The following KANSL3 variants were observed in gnomAD, a reference collection of about 807,000 sequenced individuals.
KANSL3 encodes the protein KAT8 regulatory NSL complex subunit 3.
Under a neutral mutation model 89.2 loss-of-function variants are expected in KANSL3, and 16 were observed. The ratio of observed to expected loss-of-function variants is 0.18; its 90% CI spans 0.12 to 0.27. The LOEUF (loss-of-function observed/expected upper bound fraction) is 0.27. KANSL3 is among the 10% of genes least tolerant of loss of function. The probability of loss-of-function intolerance (pLI) is 1.00; values close to 1 mark genes in which losing one functional copy is unlikely to be tolerated. For synonymous variants in KANSL3, 385 were observed against 419.7 expected, an observed-to-expected ratio of 0.92 and a Z score of 1.01; for missense variants, 879 against 1,110.6, an observed-to-expected ratio of 0.79 and a Z score of 2.96.
the KANSL3 span, among the ~76,000 whole-genome samples, chr2:96,584,852 T>C: frequency 6.6e-6 from 1 of 152,244 alleles, no homozygotes; most frequent in Non-Finnish European, 1.5e-5. Context: ...CGAGTCTTTG[T>C]GTGTCAGATC....
intron 3 of KANSL3, among the ~76,000 whole-genome samples, chr2:96,629,369 C>T (rs2072975288): frequency 1.3e-5 from 2 of 152,158 alleles, no homozygotes; most frequent in African/African-American, 4.8e-5. Flanking sequence ...GGTGCCCAGA[C>T]TGGAGTGCAA....
At chr2:96,632,362 G>A (rs2073541470) in intron 2 of KANSL3, among the ~76,000 whole-genome samples, 1 of 152,034 alleles carries the variant, frequency 6.6e-6, no homozygotes, top group Non-Finnish European at 1.5e-5. Flanking sequence ...AGAAACTGAA[G>A]TGGGAGGATG....
chr2:96,619,478 G>A lies in KANSL3; in HGVS notation c.544C>T (p.Leu182=). Residue 182 remains leucine (L), a synonymous_variant, in exon 5 of 21, where the codon CTG becomes TTG. Coordinates refer to ENST00000431828, the MANE Select transcript of KANSL3 (RefSeq NM_001115016.3). ...TTGGTATCCCAGCTCACACTTGCCA[G>A]AGCCTGCCGCACTCTCCTTGCACAC... The part of the protein sequence containing the change: ...DKCARRVRQA[L]ASVSWDTKLI... 6.2e-7 allele frequency: 1 copy of A among 1,614,046 alleles called. No homozygotes were observed. Among genetic ancestry groups the A allele is most frequent in the Non-Finnish European group, 8.5e-7 (1 of 1,179,898 alleles).
At chr2:96,611,903 A>ATATGTGTGTGTGTGTGTGTGTGTGTGTG (rs376030964) in intron 9 of KANSL3, among the ~76,000 whole-genome samples, 1 of 113,304 alleles carries the variant, frequency 8.8e-6, no homozygotes, top group Non-Finnish European at 1.7e-5. Context: ...ATATACCCAT[A>ATATGTGTGTGTGTGTGTGTGTGTGTGTG]TGTGTGTGTG....
In KANSL3 at chr2:96,627,347, T is replaced by C. The variant is rs964566732; in HGVS notation, c.386+3965A>G. On this transcript the variant is annotated intron_variant, in intron 3 of 20. Coordinates refer to ENST00000431828, the MANE Select transcript of KANSL3 (RefSeq NM_001115016.3). The stretch of plus-strand genomic sequence containing the variant: ...CTCCTGCCTCAGCCTCCCGAGTAGC[T>C]GAGATTACAGGCGTTTGCCACCACA... Among the ~76,000 whole-genome samples, 9 of 152,132 alleles carry C rather than the reference T, an allele frequency of 5.9e-5. No individual in the cohort carries two copies. In the East Asian group the frequency reaches 1.7e-3, roughly 29 times the overall value.
intron 9 of KANSL3, among the ~76,000 whole-genome samples, chr2:96,611,819 GT>G (rs1254345862): frequency 1.3e-5 from 2 of 150,042 alleles, no homozygotes; most frequent in Non-Finnish European, 3.0e-5. Flanking sequence ...AATTACTGTT[GT>G]TTTTTAGGTG....
intron 20 of KANSL3, chr2:96,598,007 G>T: frequency 3.1e-6 from 2 of 637,922 alleles, no homozygotes; most frequent in Non-Finnish European, 3.9e-6. Flanking sequence ...AGAAAAGGGG[G>T]ATTCTCAATG....
intron 3 of KANSL3, among the ~76,000 whole-genome samples, chr2:96,627,124 A>C (rs530730545): frequency 6.6e-6 from 1 of 152,370 alleles, no homozygotes; most frequent in East Asian, 1.9e-4. Flanking sequence ...TAATGCAGAC[A>C]ATTAAATAAG....
At chr2:96,620,428 C>T (rs981012306) in intron 3 of KANSL3, among the ~76,000 whole-genome samples, 6 of 152,144 alleles carry the variant, frequency 3.9e-5, no homozygotes, top group African/African-American at 1.2e-4. Flanking sequence ...TCCCAGCATA[C>T]GGCACTGGTA....
the KANSL3 span, among the ~76,000 whole-genome samples, chr2:96,584,092 G>T: frequency 6.6e-6 from 1 of 152,090 alleles, no homozygotes; most frequent in Admixed American, 6.5e-5. Context: ...ATGTATTCTG[G>T]TTATATGTGT....
intron 20 of KANSL3, 128 bp downstream of exon 20, chr2:96,601,515 A>G: frequency 7.0e-7 from 1 of 1,420,610 alleles, no homozygotes; most frequent in Non-Finnish European, 9.2e-7. Flanking sequence ...ACTCCAGAAT[A>G]CAGATTTGAA....
Position 96,637,125 on chromosome 2 carries a change from C to A in KANSL3, c.11G>T (p.Arg4Leu), listed in dbSNP as rs1462911124. The change falls in exon 2 of 21, where the codon CGG (arginine) becomes CTG (leucine). Residue 4 changes from arginine to leucine, a missense_variant. Coordinates refer to ENST00000431828, the MANE Select transcript of KANSL3 (RefSeq NM_001115016.3). ...AGTCTGGAAGTCCCTCTCCCCACCCCGGTGGGCCATGTCAGTGGAGGGGCA... is the reference window on the plus strand; with the variant it reads ...AGTCTGGAAGTCCCTCTCCCCACCCAGGTGGGCCATGTCAGTGGAGGGGCA... MAHRGGERDFQTSA... is the reference protein window; with the variant it reads MAHLGGERDFQTSA... 2 of 1,550,220 alleles carry A rather than the reference C, an allele frequency of 1.3e-6. No homozygotes were observed. Among genetic ancestry groups the A allele is most frequent in the Non-Finnish European group, 1.7e-6 (2 of 1,145,800 alleles).
At chr2:96,618,028 A>C (rs1160252294) in intron 5 of KANSL3, among the ~76,000 whole-genome samples, 3 of 150,978 alleles carry the variant, frequency 2.0e-5, no homozygotes, top group Non-Finnish European at 3.0e-5. Flanking sequence ...TGGTGGTAGC[A>C]CACACCTCTA....
chr2:96,629,944 A>G (rs2073092447), intron 3 of KANSL3, among the ~76,000 whole-genome samples: 1 of 152,244 alleles, frequency 6.6e-6, no homozygotes, highest in Admixed American at 6.5e-5. Flanking sequence ...TCAACAAAAT[A>G]TAAGTTGAAA....
At chr2:96,604,100 T>C (rs938989339) in intron 17 of KANSL3, 150 bp downstream of exon 17, 2 of 814,374 alleles carry the variant, frequency 2.5e-6, no homozygotes, top group African/African-American at 3.6e-5. Context: ...CCCAAGCTAA[T>C]TCCAGCTTCA....
rs937585005 is a variant in KANSL3, at chr2:96,602,016, G to A, written c.2482+100C>T. ...CAAAGGTCAATGCCAGGACCCTGTGGGACTGGTTTCAACATCATACCTTGC... is the reference window on the plus strand; with the variant it reads ...CAAAGGTCAATGCCAGGACCCTGTGAGACTGGTTTCAACATCATACCTTGC... On this transcript the variant is annotated intron_variant, in intron 19 of 20. Transcript: ENST00000431828. 4.0e-6 allele frequency: 5 copies of A among 1,263,184 alleles called. No homozygotes were observed. In the African/African-American group the frequency reaches 7.6e-5, roughly 19 times the overall value. The allele number at this position is 1,263,184 out of a possible 1,614,324, so 78.2% of individuals were successfully genotyped here.
intron 5 of KANSL3, among the ~76,000 whole-genome samples, chr2:96,616,504 T>C (rs2070140691): frequency 6.6e-6 from 1 of 152,238 alleles, no homozygotes; most frequent in Admixed American, 6.5e-5. Flanking sequence ...GATCTAATAG[T>C]GAAAGTAGCT....
Position 96,612,524 on chromosome 2 carries a change from C to T in KANSL3, c.952G>A (p.Gly318Arg), listed in dbSNP as rs747175017. 1.2e-6 allele frequency: 2 copies of T among 1,613,876 alleles called. No individual in the cohort carries two copies. The highest frequency in any genetic ancestry group is 1.7e-6 in the Non-Finnish European group (2 of 1,179,886). The change falls in exon 8 of 21, where the codon GGG becomes AGG. Residue 318 changes from glycine to arginine, a missense_variant. Gly to Arg is a moderately radical substitution (Grantham distance 125, BLOSUM62 -2). Transcript: ENST00000431828. The part of the protein sequence containing the change: ...VATHLLNNGS[G>R]VGVLQCLEHM... ...TCGAGACACTGTAGAACTCCTACCC[C>T]ACTGCCATTGTTCAGCAGATGGGTG...
rs758459738 is a variant in KANSL3, at chr2:96,605,436, G to A, written c.1817C>T (p.Ser606Leu). ...LRVQLKRHHP[S>L]SPLPGSKTSK... The stretch of plus-strand genomic sequence containing the variant: ...GGTCTTACTGCCAGGAAGGGGACTC[G>A]AGGGATGGTGTCGCTTCAGCTGAAC... Residue 606 changes from serine (S) to leucine (L), a missense_variant, in exon 15 of 21, where the codon TCG (serine) becomes TTG (leucine). By Grantham distance (145) the Ser-to-Leu change is moderately radical. Around this residue, in one of 6 missense-constraint regions of KANSL3, gnomAD observed 317 missense variants for 311.2 expected, o/e 1.02. Coordinates refer to ENST00000431828, the MANE Select transcript of KANSL3 (RefSeq NM_001115016.3). 5.6e-6 allele frequency: 9 copies of A among 1,613,818 alleles called. No individual in the cohort carries two copies. The highest frequency in any genetic ancestry group is 2.2e-5 in the South Asian group (2 of 91,086).
Sources: allele counts gnomAD v4.1 joint callset (sites outside exome capture counted in the v4.1 genomes callset), GRCh38; gene constraint gnomAD v4.1.1; regional missense constraint gnomAD v4.1.1; transcripts MANE v1.5; gene names NCBI Gene and HGNC (gene_info 2026-07-23, HGNC 2026-07-21).